Variants in DOCK9 observed in about 807,000 individuals in gnomAD.
DOCK9 encodes the protein dedicator of cytokinesis protein 9.
In DOCK9, 89 loss-of-function variants were observed where a neutral mutation model predicts 263.3. The observed-to-expected ratio is 0.34, with a 90% CI of 0.28 to 0.40. The LOEUF (loss-of-function observed/expected upper bound fraction) is 0.40. DOCK9 is among the 10% of genes least tolerant of loss of function. The pLI is 1.00. For synonymous variants in DOCK9, 976 were observed against 973.1 expected, an observed-to-expected ratio of 1.00 and a Z score of -0.06; for missense variants, 2,140 against 2,603.4, an observed-to-expected ratio of 0.82 and a Z score of 3.87.
rs548301459 is a variant in DOCK9, at chr13:98,920,347, C to A, written c.717+607G>T. On this transcript the variant is annotated intron_variant, in intron 7 of 52. Coordinates refer to ENST00000682017, the MANE Select transcript of DOCK9 (RefSeq NM_001366683.2). ...TATCTAATACTGACCAAATGCTTAC[C>A]ATTTGTTGGCACTGTTCTAAGCTTT... Among the ~76,000 whole-genome samples the A allele has an allele frequency of 2.0e-3, 311 of 152,268 alleles. 2 individuals are homozygous for A. The highest frequency in any genetic ancestry group is 7.1e-3 in the African/African-American group (297 of 41,558).
At chr13:99,012,119 A>G (rs1156591879) in intron 1 of DOCK9, among the ~76,000 whole-genome samples, 1 of 152,208 alleles carries the variant, frequency 6.6e-6, no homozygotes, top group Non-Finnish European at 1.5e-5. Flanking sequence ...CCCAGCCCAG[A>G]ATCAGCACTC....
chr13:98,871,133 T>C (rs2094175116), intron 27 of DOCK9, among the ~76,000 whole-genome samples: 1 of 152,192 alleles, frequency 6.6e-6, no homozygotes, highest in Non-Finnish European at 1.5e-5. Flanking sequence ...GGTAGTTATA[T>C]CTTTTTTAAA....
At chr13:98,914,764 C>T (rs1255137212) in intron 8 of DOCK9, among the ~76,000 whole-genome samples, 1 of 152,162 alleles carries the variant, frequency 6.6e-6, no homozygotes, top group African/African-American at 2.4e-5. Context: ...TTTTAAAAAG[C>T]TCCCAGGTAC....
At chr13:98,898,393 C>T in intron 13 of DOCK9, 132 bp from the exon 14 acceptor site, 1 of 660,866 alleles carries the variant, frequency 1.5e-6, no homozygotes, top group Non-Finnish European at 2.7e-6. Flanking sequence ...GCACATCATA[C>T]AGTAATGAAT....
chr13:99,008,237 T>TTTC (rs1567201427), intron 1 of DOCK9, among the ~76,000 whole-genome samples: 12 of 128,272 alleles, frequency 9.4e-5, no homozygotes, highest in African/African-American at 3.9e-4. Flanking sequence ...TATATATATT[T>TTTC]TTTTTTTTTT....
chr13:98,962,285 T>C (rs2058718416), intron 1 of DOCK9, among the ~76,000 whole-genome samples: 1 of 152,254 alleles, frequency 6.6e-6, no homozygotes, highest in Non-Finnish European at 1.5e-5. Flanking sequence ...TGTTTATGGC[T>C]TGTGTTAGCT....
chr13:98,836,489 A>G lies in DOCK9; in HGVS notation c.4314+1005T>C, dbSNP rs776544898. Among the ~76,000 whole-genome samples the G allele has an allele frequency of 2.0e-5, 3 of 152,212 alleles. No individual in the cohort carries two copies. The South Asian group carries it at 6.2e-4, about 32-fold the overall frequency. The stretch of plus-strand genomic sequence containing the variant: ...AGTGGGTCTGGGGAGTGGCCCAAGG[A>G]TTTCCATTTCTCACATGCTCCCAGG... On this transcript the variant is annotated intron_variant, in intron 39 of 52. Coordinates refer to ENST00000682017, the MANE Select transcript of DOCK9 (RefSeq NM_001366683.2).
chr13:99,019,385 G>A (rs184754894), intron 1 of DOCK9, among the ~76,000 whole-genome samples: 33 of 152,240 alleles, frequency 2.2e-4, no homozygotes, highest in East Asian at 7.7e-4. Flanking sequence ...CATTTATGGC[G>A]TGTGAATGTA....
intron 13 of DOCK9, 64 bp downstream of exon 13, chr13:98,901,714 T>C (rs574290995): frequency 1.3e-6 from 2 of 1,552,052 alleles, no homozygotes; most frequent in South Asian, 2.4e-5. Context: ...GGATTTATAG[T>C]ATCACATAAA....
intron 1 of DOCK9, among the ~76,000 whole-genome samples, chr13:98,960,151 T>C (rs1310485307): frequency 6.6e-6 from 1 of 152,212 alleles, no homozygotes; most frequent in Admixed American, 6.5e-5. Flanking sequence ...CATGCTCAAA[T>C]TCAATTCTTC....
intron 1 of DOCK9, among the ~76,000 whole-genome samples, chr13:98,962,498 G>A (rs2141141884): frequency 6.6e-6 from 1 of 152,310 alleles, no homozygotes; most frequent in South Asian, 2.1e-4. Context: ...GGAAAGCCGA[G>A]CTGTGCAGTC....
intron 1 of DOCK9, among the ~76,000 whole-genome samples, chr13:98,987,164 A>G (rs1344464754): frequency 6.6e-6 from 1 of 152,216 alleles, no homozygotes; most frequent in Non-Finnish European, 1.5e-5. Flanking sequence ...AAATGTTCTC[A>G]TCACAAAAAA....
chr13:99,016,423 C>T (rs1447511646), intron 1 of DOCK9, among the ~76,000 whole-genome samples: 1 of 152,210 alleles, frequency 6.6e-6, no homozygotes, highest in Non-Finnish European at 1.5e-5. Flanking sequence ...ATTCTCCCGT[C>T]TCTGGTACCC....
At chr13:98,796,641 G>C (rs189363388) in intron 52 of DOCK9, among the ~76,000 whole-genome samples, 1 of 152,150 alleles carries the variant, frequency 6.6e-6, no homozygotes, top group East Asian at 1.9e-4. Flanking sequence ...CCACTGGGGC[G>C]CCAAGGCCCA....
chr13:99,072,108 A>C (rs563766069), intron 1 of DOCK9, among the ~76,000 whole-genome samples: 21 of 152,186 alleles, frequency 1.4e-4, no homozygotes, highest in Non-Finnish European at 2.6e-4. Context: ...AATCCTGTGA[A>C]GTCATGCACA....
At chr13:98,854,967 G>A (rs1467790490) in intron 34 of DOCK9, among the ~76,000 whole-genome samples, 1 of 152,170 alleles carries the variant, frequency 6.6e-6, no homozygotes, top group East Asian at 1.9e-4. Flanking sequence ...TTATTGGGAT[G>A]GGCACTTGCC....
chr13:99,059,033 G>A (rs1045314375), intron 1 of DOCK9, among the ~76,000 whole-genome samples: 2 of 152,122 alleles, frequency 1.3e-5, no homozygotes. Flanking sequence ...CCAGTCTCCT[G>A]TGAGGTCCTC....
At chr13:98,928,329 T>G (rs1399248524) in intron 3 of DOCK9, among the ~76,000 whole-genome samples, 1 of 152,254 alleles carries the variant, frequency 6.6e-6, no homozygotes, top group African/African-American at 2.4e-5. Context: ...TTGAAGTTTT[T>G]TTCTGCTTTG....
chr13:98,957,779 T>C lies in DOCK9; in HGVS notation c.127-2228A>G, dbSNP rs141673297. Among the ~76,000 whole-genome samples, 5 of 152,304 alleles carry C rather than the reference T, an allele frequency of 3.3e-5. No individual in the cohort carries two copies. In the East Asian group the frequency reaches 9.6e-4, roughly 29 times the overall value. On this transcript the variant is annotated intron_variant, in intron 1 of 52. Coordinates refer to ENST00000682017, the MANE Select transcript of DOCK9 (RefSeq NM_001366683.2). ...AACCATATTCCTAATAAAACCCAAATATGCACACAGCTTTCTAAAATTCCA... is the reference window on the plus strand; with the variant it reads ...AACCATATTCCTAATAAAACCCAAACATGCACACAGCTTTCTAAAATTCCA...
Sources: gnomAD v4.1 joint callset for allele counts (sites outside exome capture counted in the v4.1 genomes callset) on GRCh38, gnomAD v4.1.1 for gene constraint, MANE v1.5 for transcripts, NCBI Gene and HGNC (gene_info 2026-07-23, HGNC 2026-07-21) for gene names.